DNM1L: variants seen among roughly 807,000 people sequenced by gnomAD.
DNM1L encodes dynamin 1L.
A neutral mutation model predicts 92.8 loss-of-function variants in DNM1L; 33 were observed. That is an observed-to-expected ratio of 0.36 (90% CI 0.27 to 0.48). The LOEUF is 0.48. Ranked by LOEUF, DNM1L falls within the 20% of genes least tolerant of loss-of-function variation. DNM1L has a pLI of 0.99. For missense variants in DNM1L, 485 were observed against 888.8 expected (o/e 0.55, Z 5.78); for synonymous variants, 284 against 305.0 (o/e 0.93, Z 0.72).
In DNM1L at chr12:32,744,699, G is replaced by C. The variant is rs1399103105; in HGVS notation, c.*1289G>C. ...TTGCACTCCAGCCTTGGCAACAAGA[G>C]CGAAACTCCGTCTCAAAAAAAAAAA... is the stretch of plus-strand genomic sequence containing the variant. On this transcript the variant is annotated 3_prime_UTR_variant, in exon 20 of 20. Transcript: ENST00000549701. 1.7e-5 allele frequency: 6 copies of C among 353,790 alleles called. No homozygotes were observed. Among genetic ancestry groups the C allele is most frequent in the Non-Finnish European group, 3.2e-5 (6 of 185,846 alleles). 21.9% of individuals were successfully genotyped at this position (353,790 alleles called of 1,614,324 possible). A position where few individuals can be genotyped will look rare whatever the true frequency, so the allele number is the denominator to read the frequency against.
At chr12:32,712,683 A>G (rs905610197) in intron 5 of DNM1L, among the ~76,000 whole-genome samples, 9 of 150,806 alleles carry the variant, frequency 6.0e-5, no homozygotes, top group South Asian at 2.1e-4. Context: ...AAAAAAGAAA[A>G]AAATCATCTC....
At chr12:32,726,919 A>G in intron 9 of DNM1L, 2 of 696,142 alleles carry the variant, frequency 2.9e-6, no homozygotes, top group Non-Finnish European at 5.2e-6. Flanking sequence ...TGAAATTCTA[A>G]GACAAAACTC....
intron 1 of DNM1L, among the ~76,000 whole-genome samples, 158 bp from the exon 2 acceptor site, chr12:32,701,257 C>T (rs1952687101): frequency 1.4e-5 from 2 of 146,860 alleles, no homozygotes; most frequent in South Asian, 4.3e-4. Context: ...GCCTAGCCAA[C>T]AAGAGCGAAA....
At chr12:32,739,756 T>C (rs1955152845) in intron 16 of DNM1L, 1 of 328,578 alleles carries the variant, frequency 3.0e-6, no homozygotes, top group African/African-American at 2.1e-5. Flanking sequence ...TACAATTTAG[T>C]GTTTGAAGGG....
rs751194149 is a variant in DNM1L, at chr12:32,743,374, A to G, written c.2175A>G (p.Gln725=). The change falls in exon 20 of 20, where the codon CAA becomes CAG. Residue 725 remains glutamine, a synonymous_variant. Transcript: ENST00000549701. ...DMLKALQGAS[Q]IIAEIRETHL... ...TGCAGGCATTACAAGGAGCCAGTCA[A>G]ATTATTGCTGAAATCCGGGAGACTC... The G allele has an allele frequency of 6.2e-7, 1 of 1,614,018 alleles. No homozygotes were observed. Among genetic ancestry groups the G allele is most frequent in the Admixed American group, 1.7e-5 (1 of 60,022 alleles).
intron 1 of DNM1L, among the ~76,000 whole-genome samples, chr12:32,697,995 T>A (rs1952541556): frequency 6.6e-6 from 1 of 151,998 alleles, no homozygotes; most frequent in African/African-American, 2.4e-5. Flanking sequence ...TTTTTTTTTT[T>A]ATGGACACAT....
At chr12:32,717,073 G>GTATA (rs965254767) in intron 6 of DNM1L, among the ~76,000 whole-genome samples, 2 of 122,858 alleles carry the variant, frequency 1.6e-5, no homozygotes, top group South Asian at 2.4e-4. Flanking sequence ...ATATACATAG[G>GTATA]TATATATATA....
At chr12:32,706,868 T>C (rs182807360) in intron 2 of DNM1L, 36 of 338,902 alleles carry the variant, frequency 1.1e-4, no homozygotes, top group African/African-American at 7.1e-4. Flanking sequence ...AGCTGTTTCA[T>C]TGACACATTG....
chr12:32,681,187 G>A (rs1318038638), intron 1 of DNM1L, among the ~76,000 whole-genome samples: 1 of 152,078 alleles, frequency 6.6e-6, no homozygotes, highest in East Asian at 1.9e-4. Flanking sequence ...TTTGCATGTT[G>A]GTGTTTGAAA....
intron 1 of DNM1L, chr12:32,680,095 G>A (rs1951752411): frequency 2.4e-6 from 2 of 841,810 alleles, no homozygotes; most frequent in Non-Finnish European, 2.9e-6. Context: ...GAGTTCTGCG[G>A]GTGTTGGGAA....
chr12:32,727,077 TTTTC>T (rs750175499), intron 9 of DNM1L: 12 of 725,798 alleles, frequency 1.7e-5, no homozygotes, highest in Non-Finnish European at 2.8e-5. Context: ...GGGGTCTTCT[TTTTC>T]TTCATCGTTT....
rs564083631 is a variant in DNM1L, at chr12:32,730,359, G to A, written c.1080-655G>A. On this transcript the variant is annotated intron_variant, in intron 9 of 19. Coordinates refer to ENST00000549701, the MANE Select transcript of DNM1L (RefSeq NM_012062.5). ...AGCCTGGGCGACACAGCGAGACTCC[G>A]TCTCAAAAAGAAACAAAACAACAAA... is the stretch of plus-strand genomic sequence containing the variant. Among the ~76,000 whole-genome samples, 184 of 152,044 alleles carry A rather than the reference G, an allele frequency of 1.2e-3. 1 individual carries two copies. The highest frequency in any genetic ancestry group is 3.7e-3 in the African/African-American group (154 of 41,504).
chr12:32,702,622 TATTTTA>T (rs939853927), intron 2 of DNM1L, among the ~76,000 whole-genome samples: 2 of 151,934 alleles, frequency 1.3e-5, no homozygotes, highest in Non-Finnish European at 2.9e-5. Flanking sequence ...AAATTGAACT[TATTTTA>T]ATTTCTGTGT....
chr12:32,714,823 A>G (rs1436458978), intron 6 of DNM1L, among the ~76,000 whole-genome samples: 2 of 144,912 alleles, frequency 1.4e-5, no homozygotes, highest in East Asian at 4.0e-4. Flanking sequence ...CCCCATCTCT[A>G]TTAAAAAAAA....
chr12:32,703,819 T>C (rs1018181605), intron 2 of DNM1L, among the ~76,000 whole-genome samples: 1 of 152,174 alleles, frequency 6.6e-6, no homozygotes, highest in African/African-American at 2.4e-5. Flanking sequence ...TAGTGTTTAA[T>C]ATGTATAATT....
At chr12:32,726,182 G>A (rs1691426185) in intron 9 of DNM1L, among the ~76,000 whole-genome samples, 1 of 152,142 alleles carries the variant, frequency 6.6e-6, no homozygotes, top group Non-Finnish European at 1.5e-5. Context: ...GACAGAATTT[G>A]TGCATTCAAC....
intron 1 of DNM1L, among the ~76,000 whole-genome samples, chr12:32,692,084 T>A (rs1750543204): frequency 6.6e-6 from 1 of 152,216 alleles, no homozygotes; most frequent in African/African-American, 2.4e-5. Context: ...GAAATTGTGA[T>A]TATAAAATTC....
intron 1 of DNM1L, among the ~76,000 whole-genome samples, chr12:32,692,212 AAATT>A (rs1191284121): frequency 6.6e-6 from 1 of 152,192 alleles, no homozygotes; most frequent in Non-Finnish European, 1.5e-5. Context: ...CATTTAAGCA[AAATT>A]AATTAAAATC....
intron 1 of DNM1L, among the ~76,000 whole-genome samples, chr12:32,686,897 G>T (rs1952031487): frequency 6.6e-6 from 1 of 150,852 alleles, no homozygotes; most frequent in Non-Finnish European, 1.5e-5. Flanking sequence ...GTGTTTGTTG[G>T]GGTTGTCTTA....
Sources: gnomAD v4.1 joint callset for allele counts (sites outside exome capture counted in the v4.1 genomes callset) on GRCh38, gnomAD v4.1.1 for gene constraint, MANE v1.5 for transcripts, NCBI Gene and HGNC (gene_info 2026-07-23, HGNC 2026-07-21) for gene names.